Variants in TSBP1 observed in about 807,000 individuals in gnomAD.
TSBP1 encodes testis-expressed basic protein 1.
TSBP1 carries 56 observed loss-of-function variants against 68.8 expected under a neutral mutation model. The observed-to-expected ratio is 0.81, with a 90% CI of 0.66 to 1.02. The LOEUF (loss-of-function observed/expected upper bound fraction) is 1.02. TSBP1 is among the 50% of genes least tolerant of loss of function. The pLI is 0.00. For synonymous variants in TSBP1, 171 were observed against 208.7 expected, an observed-to-expected ratio of 0.82 and a Z score of 1.56; for missense variants, 502 against 641.2, an observed-to-expected ratio of 0.78 and a Z score of 2.34.
At chr6:32,349,128 T>G (rs945190314) in intron 9 of TSBP1, among the ~76,000 whole-genome samples, 3 of 151,884 alleles carry the variant, frequency 2.0e-5, no homozygotes, top group Non-Finnish European at 4.4e-5. Context: ...CCCTCCTTGC[T>G]CTCCTAAAAG....
intron 20 of TSBP1, among the ~76,000 whole-genome samples, chr6:32,301,211 G>A (rs1765253628): frequency 6.6e-6 from 1 of 151,630 alleles, no homozygotes; most frequent in Non-Finnish European, 1.5e-5. Context: ...GTATTTTTTT[G>A]TAGAGACGGA....
chr6:32,334,816 G>A (rs1362954039), intron 14 of TSBP1, among the ~76,000 whole-genome samples: 2 of 152,094 alleles, frequency 1.3e-5, no homozygotes, highest in East Asian at 3.9e-4. Flanking sequence ...GGCGGATCAC[G>A]AGGTCAGGAG....
At chr6:32,324,514 C>A in intron 16 of TSBP1, 1 of 1,040,888 alleles carries the variant, frequency 9.6e-7, no homozygotes, top group Non-Finnish European at 1.5e-6. Flanking sequence ...ATGAATAATG[C>A]AGAGAGGTTT....
chr6:32,294,092 AT>A (rs775529541), intron 22 of TSBP1, 57 bp from the exon 26 acceptor site: 3 of 1,586,506 alleles, frequency 1.9e-6, no homozygotes, highest in Non-Finnish European at 2.6e-6. Context: ...CTTTATTTCT[AT>A]TTTTTTCCCC....
At chr6:32,311,102 C>G (rs898874548) in intron 19 of TSBP1, among the ~76,000 whole-genome samples, 1 of 152,082 alleles carries the variant, frequency 6.6e-6, no homozygotes, top group Admixed American at 6.6e-5. Flanking sequence ...CCCCCCTTTA[C>G]TGGTTCTCCT....
chr6:32,308,458 C>T (rs1303650344), intron 19 of TSBP1, among the ~76,000 whole-genome samples: 1 of 150,316 alleles, frequency 6.7e-6, no homozygotes, highest in Non-Finnish European at 1.5e-5. Flanking sequence ...ATTAGCCGGG[C>T]GTAGTGGCGG....
intron 7 of TSBP1, among the ~76,000 whole-genome samples, 194 bp from the exon 8 acceptor site, chr6:32,355,338 G>T (rs894965994): frequency 6.6e-6 from 1 of 152,080 alleles, no homozygotes; most frequent in African/African-American, 2.4e-5. Context: ...CTCTAAAAAT[G>T]GGTTTAATTT....
Position 32,306,049 on chromosome 6 carries a change from A to G in TSBP1, c.581-3420T>C, listed in dbSNP as rs1305618147. On this transcript the variant is annotated intron_variant, in intron 19 of 22. Transcript: ENST00000612031. This position sits in a 1 kb window ranked among gnomAD's most constrained non-coding sequence, Gnocchi z 5.1. Reference sequence around the variant, plus strand: ...TAATTATATATTGGCAAGGGTCATAACACATTTGTATGACAGTGAAACAGC... The same window carrying G: ...TAATTATATATTGGCAAGGGTCATAGCACATTTGTATGACAGTGAAACAGC... 6.6e-6 allele frequency among the ~76,000 whole-genome samples: 1 copy of G among 152,226 alleles called. No homozygotes were observed. The highest frequency in any genetic ancestry group is 1.5e-5 in the Non-Finnish European group (1 of 68,034).
In TSBP1 at chr6:32,314,370, C is replaced by G. The variant is rs1252747314; in HGVS notation, c.580+1402G>C. ...GGACACTATGCATTCAATTTGGGTT[C>G]TGCCTTGTAATTTCTAGCTGTGAGA... On this transcript the variant is annotated intron_variant, in intron 19 of 22. Transcript: ENST00000612031. This position sits in a 1 kb window ranked among gnomAD's most constrained non-coding sequence, Gnocchi z 4.2. Among the ~76,000 whole-genome samples the G allele has an allele frequency of 6.6e-6, 1 of 152,162 alleles. No individual in the cohort carries two copies. The highest frequency in any genetic ancestry group is 1.5e-5 in the Non-Finnish European group (1 of 68,032).
At position 32,325,918 on chromosome 6, in the gene TSBP1, G is replaced by A. The variant is rs1289962581; in HGVS notation, c.515-2304C>T. Reference sequence around the variant, plus strand: ...TGGCTTTGGTGGCAGCTGTGGTGGTGGTGGATATGGTGGCAGTGAGGATGG... The same window carrying A: ...TGGCTTTGGTGGCAGCTGTGGTGGTAGTGGATATGGTGGCAGTGAGGATGG... On this transcript the variant is annotated intron_variant, in intron 16 of 22. Transcript: ENST00000612031. This position sits in a 1 kb window ranked among gnomAD's most constrained non-coding sequence, Gnocchi z 4.4. The A allele has an allele frequency of 4.5e-6, 7 of 1,553,522 alleles. No individual in the cohort carries two copies. Among genetic ancestry groups the A allele is most frequent in the Non-Finnish European group, 6.1e-6 (7 of 1,139,982 alleles).
chr6:32,342,366 C>T (rs1033063933), intron 9 of TSBP1, among the ~76,000 whole-genome samples: 10 of 152,060 alleles, frequency 6.6e-5, no homozygotes, highest in African/African-American at 2.4e-4. Flanking sequence ...TTTCAGCAGG[C>T]TGGTCTCGAA....
At chr6:32,301,294 G>T (rs1198238890) in intron 20 of TSBP1, among the ~76,000 whole-genome samples, 2 of 152,142 alleles carry the variant, frequency 1.3e-5, no homozygotes, top group Non-Finnish European at 2.9e-5. Flanking sequence ...TTCTCAAAGT[G>T]CTGGGATTAC....
intron 6 of TSBP1, among the ~76,000 whole-genome samples, chr6:32,364,869 T>C (rs750293611): frequency 1.3e-5 from 2 of 151,514 alleles, no homozygotes; most frequent in Non-Finnish European, 2.9e-5. Flanking sequence ...CCCTGTTCAA[T>C]ATTTGTTTGT....
intron 4 of TSBP1, among the ~76,000 whole-genome samples, chr6:32,367,270 A>AGAGAGAGAGAGAGAGAGG: frequency 6.6e-6 from 1 of 151,990 alleles, no homozygotes. Flanking sequence ...AGAGAAAGAG[A>AGAGAGAGAGAGAGAGAGG]GAGAGAGACA....
Position 32,339,599 on chromosome 6 carries a change from C to A in TSBP1, c.388+1G>T. 1 of 1,281,570 alleles carries A rather than the reference C, an allele frequency of 7.8e-7. No homozygotes were observed. The highest frequency in any genetic ancestry group is 1.1e-6 in the Non-Finnish European group (1 of 889,684). The allele number at this position is 1,281,570 out of a possible 1,614,324, so 79.4% of individuals were successfully genotyped here. On this transcript the variant is annotated splice_donor_variant, in intron 10 of 22. Coordinates refer to ENST00000612031, the Ensembl canonical transcript of TSBP1. LOFTEE classifies it high-confidence loss of function. ...CTGAGTTGTATATATGGGAAACTTA[C>A]AAGGAGGTTCTTCAGTTGTTTGTAA...
At chr6:32,324,308 A>G (rs1250287241) in intron 16 of TSBP1, 1 of 363,966 alleles carries the variant, frequency 2.7e-6, no homozygotes, top group Non-Finnish European at 5.2e-6. Context: ...AAAGGGTTAC[A>G]GAAACTTCTT....
intron 1 of TSBP1, among the ~76,000 whole-genome samples, chr6:32,370,407 G>GTATATATA (rs9279612): frequency 1.1e-3 from 144 of 130,650 alleles, no homozygotes; most frequent in Middle Eastern, 3.8e-3. Flanking sequence ...AAGATTTTCT[G>GTATATATA]TATATATATA....
Position 32,314,439 on chromosome 6 carries a change from T to G in TSBP1, c.580+1333A>C, listed in dbSNP as rs6931409. ...GAACTTTGGTGGGCCTTGGTCTCTG[T>G]TCCCAATTATATGGCCCATGTGCAA... On this transcript the variant is annotated intron_variant, in intron 19 of 22. Coordinates refer to ENST00000612031, the Ensembl canonical transcript of TSBP1. The surrounding 1 kb of genome is among the most constrained non-coding windows in gnomAD (Gnocchi z 4.2). Among the ~76,000 whole-genome samples the G allele has an allele frequency of 0.039, 6,001 of 152,294 alleles. 338 individuals carry two copies. The highest frequency in any genetic ancestry group is 0.12 in the African/African-American group (5,146 of 41,544).
At chr6:32,323,729 G>T in intron 16 of TSBP1, 115 bp from the exon 18 acceptor site, 4 of 839,236 alleles carry the variant, frequency 4.8e-6, no homozygotes, top group South Asian at 1.6e-5. Flanking sequence ...CTTTCCCTTT[G>T]GTATTCATTT....
Sources: gnomAD v4.1 joint callset for allele counts (sites outside exome capture counted in the v4.1 genomes callset) on GRCh38, gnomAD v4.1.1 for gene constraint, Gnocchi (gnomAD v3.1) non-coding constraint, MANE v1.5 for transcripts, NCBI Gene and HGNC (gene_info 2026-07-23, HGNC 2026-07-21) for gene names.